HIVEP3: variants seen among roughly 807,000 people sequenced by gnomAD.
HIVEP3 encodes the protein transcription factor HIVEP3.
A neutral mutation model predicts 152.8 loss-of-function variants in HIVEP3; 49 were observed. The ratio of observed to expected loss-of-function variants is 0.32; its 90% CI spans 0.26 to 0.41. HIVEP3 has a LOEUF of 0.41. Ranked by LOEUF, HIVEP3 falls within the 10% of genes least tolerant of loss-of-function variation. The pLI, the probability that HIVEP3 is intolerant of heterozygous loss-of-function variation, is 1.00. For missense variants in HIVEP3, 2,790 were observed against 3,103.3 expected, an observed-to-expected ratio of 0.90 and a Z score of 2.40; for synonymous variants, 1,269 against 1,289.0, an observed-to-expected ratio of 0.98 and a Z score of 0.33.
intron 5 of HIVEP3, among the ~76,000 whole-genome samples, chr1:41,572,982 T>G (rs1424774275): frequency 6.6e-6 from 1 of 152,242 alleles, no homozygotes; most frequent in Non-Finnish European, 1.5e-5. Flanking sequence ...GGTGAGGCCA[T>G]GTGACTTGCT....
intron 1 of HIVEP3, among the ~76,000 whole-genome samples, chr1:41,960,618 C>T (rs1398235095): frequency 6.6e-6 from 1 of 152,190 alleles, no homozygotes; most frequent in African/African-American, 2.4e-5. Flanking sequence ...CTTCTCTGTC[C>T]TATACTGCTT....
chr1:41,600,229 AG>A (rs1644725388), intron 3 of HIVEP3, among the ~76,000 whole-genome samples: 1 of 152,230 alleles, frequency 6.6e-6, no homozygotes, highest in African/African-American at 2.4e-5. Flanking sequence ...TATACTCAAA[AG>A]AATTGAAATC....
At chr1:41,590,845 C>T (rs549826943) in intron 3 of HIVEP3, among the ~76,000 whole-genome samples, 2 of 152,158 alleles carry the variant, frequency 1.3e-5, no homozygotes, top group Admixed American at 6.5e-5. Flanking sequence ...CATGCGGCAA[C>T]ACAGCACAGC....
At chr1:41,737,081 C>T (rs1646929543) in intron 1 of HIVEP3, among the ~76,000 whole-genome samples, 1 of 152,158 alleles carries the variant, frequency 6.6e-6, no homozygotes, top group Admixed American at 6.5e-5. Context: ...AGAAACATGG[C>T]TCCCCTCGTT....
chr1:41,563,167 C>T lies in HIVEP3; in HGVS notation c.5207+12377G>A, dbSNP rs550018742. Reference sequence around the variant, plus strand: ...TTTAAGACCAGCCTGGCCAACATGGCGAAATCCCATCTCTACTAAAAATAC... The same window carrying T: ...TTTAAGACCAGCCTGGCCAACATGGTGAAATCCCATCTCTACTAAAAATAC... On this transcript the variant is annotated intron_variant, in intron 5 of 8. Coordinates refer to ENST00000372583, the MANE Select transcript of HIVEP3 (RefSeq NM_024503.5). Among the ~76,000 whole-genome samples the T allele has an allele frequency of 3.9e-5, 6 of 151,906 alleles. No individual in the cohort carries two copies. In the South Asian group the frequency reaches 6.3e-4, roughly 16 times the overall value.
chr1:41,882,733 T>G (rs1461412688), intron 1 of HIVEP3, among the ~76,000 whole-genome samples: 1 of 152,178 alleles, frequency 6.6e-6, no homozygotes, highest in Non-Finnish European at 1.5e-5. Flanking sequence ...ATGAGAATTA[T>G]TGTTATTACA....
intron 1 of HIVEP3, among the ~76,000 whole-genome samples, chr1:41,754,173 G>T (rs1315598258): frequency 1.3e-5 from 2 of 152,220 alleles, no homozygotes; most frequent in Admixed American, 6.5e-5. Flanking sequence ...CCAGCAAGGA[G>T]AGTGGGACCT....
intron 4 of HIVEP3, among the ~76,000 whole-genome samples, chr1:41,578,305 C>T (rs182079623): frequency 6.6e-6 from 1 of 152,194 alleles, no homozygotes; most frequent in Non-Finnish European, 1.5e-5. Context: ...ATAACAGCAT[C>T]TTGGGAGTGG....
In HIVEP3 at chr1:41,513,363, T is replaced by C; in HGVS notation, c.5858A>G (p.Asp1953Gly). The change falls in exon 8 of 9, where the codon GAC (aspartate) becomes GGC (glycine). Residue 1953 changes from aspartate (D) to glycine (G), a missense_variant. Around this residue, in one of 9 missense-constraint regions of HIVEP3, gnomAD observed 816 missense variants for 806.5 expected, o/e 1.01. Coordinates refer to ENST00000372583, the MANE Select transcript of HIVEP3 (RefSeq NM_024503.5). ...CTTGTAGCTCAAGGCTGAGCCTGTGTCTTTCTCCACAGAGCCCAGAGGGGC... is the reference window on the plus strand; with the variant it reads ...CTTGTAGCTCAAGGCTGAGCCTGTGCCTTTCTCCACAGAGCCCAGAGGGGC... Reference protein sequence around the residue: ...GPAPLGSVEKDTGSALSYKPV... With the variant: ...GPAPLGSVEKGTGSALSYKPV... 6.2e-7 allele frequency: 1 copy of C among 1,612,582 alleles called. No homozygotes were observed.
At chr1:41,614,276 G>A (rs181808913) in intron 3 of HIVEP3, among the ~76,000 whole-genome samples, 1 of 152,358 alleles carries the variant, frequency 6.6e-6, no homozygotes, top group East Asian at 1.9e-4. Flanking sequence ...AGAGAGGCGT[G>A]TCAAGGGCCA....
At chr1:41,706,617 T>G (rs1646437644) in intron 1 of HIVEP3, among the ~76,000 whole-genome samples, 2 of 152,226 alleles carry the variant, frequency 1.3e-5, no homozygotes, top group African/African-American at 4.8e-5. Flanking sequence ...GATAACTAGC[T>G]GAATATGCTC....
At chr1:41,563,431 C>T (rs1644112745) in intron 5 of HIVEP3, among the ~76,000 whole-genome samples, 1 of 152,130 alleles carries the variant, frequency 6.6e-6, no homozygotes, top group African/African-American at 2.4e-5. Context: ...AGAGACCCCT[C>T]CTTCTTCCCC....
intron 1 of HIVEP3, among the ~76,000 whole-genome samples, chr1:41,741,058 A>C (rs978484542): frequency 2.6e-5 from 4 of 152,142 alleles, no homozygotes; most frequent in African/African-American, 9.7e-5. Context: ...AAACATTTTC[A>C]CATGTGGTAT....
intron 1 of HIVEP3, among the ~76,000 whole-genome samples, chr1:41,950,711 C>G (rs1645101973): frequency 6.6e-6 from 1 of 152,258 alleles, no homozygotes. Context: ...ATAGGGGACA[C>G]TATGTGAAGA....
chr1:41,761,866 A>G (rs1231561257), intron 1 of HIVEP3, among the ~76,000 whole-genome samples: 2 of 152,370 alleles, frequency 1.3e-5, no homozygotes, highest in African/African-American at 4.8e-5. Context: ...CAAGGCAGAC[A>G]GGGGCAGATC....
intron 1 of HIVEP3, among the ~76,000 whole-genome samples, chr1:42,029,589 C>G (rs1402285978): frequency 1.3e-5 from 2 of 152,172 alleles, no homozygotes; most frequent in East Asian, 1.9e-4. Context: ...ATCTACACCT[C>G]TTTGTGGAAT....
In HIVEP3 at chr1:41,581,006, G is replaced by A; in HGVS notation, c.3792C>T (p.Ser1264=). The A allele has an allele frequency of 1.3e-6, 2 of 1,569,502 alleles. No homozygotes were observed. Among genetic ancestry groups the A allele is most frequent in the Non-Finnish European group, 1.7e-6 (2 of 1,157,444 alleles). ...CACTTCCTGTTGCCAGTGGGGCCAG[G>A]CTGGTTTTGATCTGGGGCAGATGGC... ...VESHLPQIKT[S]LAPLATGSAG... The change falls in exon 4 of 9, where the codon AGC becomes AGT. Residue 1264 remains serine, a synonymous_variant. Transcript: ENST00000372583. The surrounding 1 kb of genome is among the most constrained non-coding windows in gnomAD (Gnocchi z 4.5).
intron 1 of HIVEP3, among the ~76,000 whole-genome samples, chr1:41,878,106 A>T (rs918471265): frequency 2.6e-5 from 4 of 152,232 alleles, no homozygotes; most frequent in African/African-American, 9.6e-5. Context: ...TTTATTTGTA[A>T]AATATACCAG....
intron 1 of HIVEP3, among the ~76,000 whole-genome samples, chr1:41,889,920 G>A (rs1644421267): frequency 6.6e-6 from 1 of 152,208 alleles, no homozygotes; most frequent in Non-Finnish European, 1.5e-5. Context: ...GGCTTGCCCG[G>A]AATTAACAAT....
Sources: allele counts gnomAD v4.1 joint callset (sites outside exome capture counted in the v4.1 genomes callset), GRCh38; gene constraint gnomAD v4.1.1; regional missense constraint gnomAD v4.1.1; non-coding constraint Gnocchi (gnomAD v3.1); transcripts MANE v1.5; gene names NCBI Gene and HGNC (gene_info 2026-07-23, HGNC 2026-07-21).